The following ENPP3 variants were observed in gnomAD, a reference collection of about 807,000 sequenced individuals.
ENPP3 encodes ectonucleotide pyrophosphatase/phosphodiesterase 3.
In ENPP3, 104 loss-of-function variants were observed where a neutral mutation model predicts 117.8. The observed-to-expected ratio is 0.88, with a 90% CI of 0.75 to 1.04. The LOEUF is 1.04. Ranked by LOEUF, ENPP3 falls within the 50% of genes least tolerant of loss-of-function variation. The probability of loss-of-function intolerance (pLI) is 0.00; values close to 1 mark genes in which losing one functional copy is unlikely to be tolerated. For synonymous variants in ENPP3, 380 were observed against 349.9 expected (o/e 1.09, Z -0.96); for missense variants, 1,026 against 1,051.9 (o/e 0.98, Z 0.34).
intron 18 of ENPP3, 41 bp from the exon 19 acceptor site, chr6:131,723,999 G>C (rs771131138): frequency 6.8e-7 from 1 of 1,475,122 alleles, no homozygotes; most frequent in South Asian, 1.2e-5. Context: ...TTGTTGCTTT[G>C]ACTTATTTCC....
intron 6 of ENPP3, among the ~76,000 whole-genome samples, chr6:131,661,380 C>T (rs1343062055): frequency 1.3e-5 from 2 of 152,028 alleles, no homozygotes; most frequent in Admixed American, 1.3e-4. Flanking sequence ...TTCATCAACA[C>T]CTGTTTTTGG....
chr6:131,740,290 C>T lies in ENPP3; in HGVS notation c.2367C>T (p.Asn789=), dbSNP rs1780499909. 1 of 1,613,332 alleles carries T rather than the reference C, an allele frequency of 6.2e-7. No individual in the cohort carries two copies. The highest frequency in any genetic ancestry group is 8.5e-7 in the Non-Finnish European group (1 of 1,179,578). The change falls in exon 24 of 25, where the codon AAC becomes AAT. Residue 789 remains asparagine (N), a synonymous_variant. Coordinates refer to ENST00000357639, the MANE Select transcript of ENPP3 (RefSeq NM_005021.5). Reference sequence around the variant, plus strand: ...TTGTGGTGCTGACCAGTTGTAAAAACAAGAGCCACACACCGGAAAACTGCC... The same window carrying T: ...TTGTGGTGCTGACCAGTTGTAAAAATAAGAGCCACACACCGGAAAACTGCC... ...HYFVVLTSCK[N]KSHTPENCPG... is the part of the protein sequence containing the mutation.
intron 5 of ENPP3, among the ~76,000 whole-genome samples, chr6:131,654,109 TTTA>T (rs35379106): frequency 0.12 from 17,063 of 143,168 alleles, 1,285 homozygotes; most frequent in East Asian, 0.3. Context: ...AAATTTAAGT[TTTA>T]TTATTATTAT....
intron 11 of ENPP3, among the ~76,000 whole-genome samples, chr6:131,682,504 T>G (rs1279708608): frequency 1.3e-5 from 2 of 152,122 alleles, no homozygotes; most frequent in Non-Finnish European, 2.9e-5. Flanking sequence ...TAAAAATAAA[T>G]AAATAAATAA....
At chr6:131,660,292 T>C (rs1218330720) in intron 6 of ENPP3, among the ~76,000 whole-genome samples, 1 of 152,210 alleles carries the variant, frequency 6.6e-6, no homozygotes. Flanking sequence ...GCCCCATCTC[T>C]AGGGTTTCAT....
At chr6:131,720,088 C>T (rs1271485360) in intron 16 of ENPP3, among the ~76,000 whole-genome samples, 1 of 152,060 alleles carries the variant, frequency 6.6e-6, no homozygotes, top group Non-Finnish European at 1.5e-5. Context: ...GAAGTAAATA[C>T]AGCACTGATT....
chr6:131,716,958 G>C (rs532883053), intron 15 of ENPP3, among the ~76,000 whole-genome samples: 1 of 151,804 alleles, frequency 6.6e-6, no homozygotes, highest in African/African-American at 2.4e-5. Flanking sequence ...GCGACAGAGC[G>C]AGACTCAGTC....
intron 15 of ENPP3, among the ~76,000 whole-genome samples, chr6:131,706,695 A>G (rs1779645258): frequency 6.8e-6 from 1 of 147,204 alleles, no homozygotes; most frequent in South Asian, 2.1e-4. Context: ...AACTGATATA[A>G]TCTAACTTTC....
intron 2 of ENPP3, among the ~76,000 whole-genome samples, chr6:131,648,185 C>T (rs116476463): frequency 0.012 from 1,797 of 151,282 alleles, 36 homozygotes; most frequent in African/African-American, 0.042. Context: ...GAGTCTTCTG[C>T]TTGATGTTTT....
At chr6:131,637,951 GATTTT>G (rs1777961167) in intron 1 of ENPP3, among the ~76,000 whole-genome samples, 1 of 141,014 alleles carries the variant, frequency 7.1e-6, no homozygotes, top group African/African-American at 2.7e-5. Context: ...AATTTTCCTT[GATTTT>G]ATTTTCTTTT....
In ENPP3 at chr6:131,746,802, C is replaced by G. The variant is rs1260446583; in HGVS notation, c.2474C>G (p.Ala825Gly). The G allele has an allele frequency of 1.2e-6, 2 of 1,605,206 alleles. No individual in the cohort carries two copies. Residue 825 changes from alanine to glycine, a missense_variant, in exon 25 of 25, where the codon GCT (alanine) becomes GGT (glycine). Ala to Gly is a moderately conservative substitution (Grantham distance 60, BLOSUM62 0). Coordinates refer to ENST00000357639, the MANE Select transcript of ENPP3 (RefSeq NM_005021.5). ...CTTTTTCAGGAAGGTAAACCAGAAGCTCTTTGGGTTGAAGAAAGATTTACA... is the reference window on the plus strand; with the variant it reads ...CTTTTTCAGGAAGGTAAACCAGAAGGTCTTTGGGTTGAAGAAAGATTTACA... Reference protein sequence around the residue: ...VESCPEGKPEALWVEERFTAH... With the variant: ...VESCPEGKPEGLWVEERFTAH...
chr6:131,735,050 A>C (rs1023484834), intron 21 of ENPP3, among the ~76,000 whole-genome samples: 1 of 152,118 alleles, frequency 6.6e-6, no homozygotes, highest in Non-Finnish European at 1.5e-5. Context: ...TTGTCTCAAA[A>C]AATTAAGGAT....
intron 24 of ENPP3, among the ~76,000 whole-genome samples, chr6:131,740,746 C>T (rs967775107): frequency 6.6e-6 from 1 of 151,986 alleles, no homozygotes; most frequent in Non-Finnish European, 1.5e-5. Flanking sequence ...TGCGTGCATA[C>T]TTTGTATAAT....
rs1209179010 is a variant in ENPP3, at chr6:131,738,102, A to G, written c.2239A>G (p.Ser747Gly). ...AGAAAGAAATGGAGTAAATGTGGTT[A>G]GTGGACCAATATTTGATTATAATTA... ...ATERNGVNVVSGPIFDYNYDG... is the reference protein window; with the variant it reads ...ATERNGVNVVGGPIFDYNYDG... The change falls in exon 23 of 25, where the codon AGT becomes GGT. Residue 747 changes from serine (S) to glycine (G), a missense_variant. Ser to Gly is a moderately conservative substitution (Grantham distance 56, BLOSUM62 0). Transcript: ENST00000357639. 5 of 1,606,264 alleles carry G rather than the reference A, an allele frequency of 3.1e-6. No homozygotes were observed. Among genetic ancestry groups the G allele is most frequent in the South Asian group, 1.1e-5 (1 of 90,674 alleles).
rs867919525 is a variant in ENPP3, at chr6:131,697,048, T to A, written c.1412+3424T>A. ...TCTCCCAGTGCCGGGATTACAGGCGTGAGCCACCGTGCCGGCCTGAGCACC... is the reference window on the plus strand; with the variant it reads ...TCTCCCAGTGCCGGGATTACAGGCGAGAGCCACCGTGCCGGCCTGAGCACC... On this transcript the variant is annotated intron_variant, in intron 15 of 24. Transcript: ENST00000357639. Among the ~76,000 whole-genome samples, 12 of 152,300 alleles carry A rather than the reference T, an allele frequency of 7.9e-5. No homozygotes were observed. The Middle Eastern group carries it at 0.01, about 130-fold the overall frequency.
intron 6 of ENPP3, among the ~76,000 whole-genome samples, chr6:131,668,817 C>T (rs558161258): frequency 6.6e-6 from 1 of 152,286 alleles, no homozygotes; most frequent in South Asian, 2.1e-4. Flanking sequence ...TATTGCGTGT[C>T]TTTCCAGTAG....
At chr6:131,692,527 T>C (rs1016363948) in intron 14 of ENPP3, among the ~76,000 whole-genome samples, 2 of 151,116 alleles carry the variant, frequency 1.3e-5, no homozygotes, top group Non-Finnish European at 3.0e-5. Flanking sequence ...AACTACTTTT[T>C]AATTTTTTTA....
chr6:131,638,855 G>GTC (rs755979051), intron 1 of ENPP3, among the ~76,000 whole-genome samples: 34 of 151,242 alleles, frequency 2.2e-4, no homozygotes, highest in Non-Finnish European at 3.5e-4. Flanking sequence ...TAGAGACTGG[G>GTC]TCTCGCTATG....
intron 8 of ENPP3, 96 bp downstream of exon 8, chr6:131,674,377 A>G: frequency 8.2e-7 from 1 of 1,222,380 alleles, no homozygotes; most frequent in South Asian, 1.2e-5. Flanking sequence ...GTTCTATGTC[A>G]CCCATCTAGT....
Sources: allele counts gnomAD v4.1 joint callset (sites outside exome capture counted in the v4.1 genomes callset), GRCh38; gene constraint gnomAD v4.1.1; transcripts MANE v1.5; gene names NCBI Gene and HGNC (gene_info 2026-07-23, HGNC 2026-07-21).